The following VSIG10L variants were observed in gnomAD, a reference collection of about 807,000 sequenced individuals.
The protein encoded by VSIG10L is V-set and immunoglobulin domain-containing protein 10-like.
In VSIG10L, 63 loss-of-function variants were observed where a neutral mutation model predicts 67.3. The ratio of observed to expected loss-of-function variants is 0.94; its 90% CI spans 0.76 to 1.15. The LOEUF (loss-of-function observed/expected upper bound fraction) is 1.15. VSIG10L is among the 50% of genes most tolerant of loss of function. The pLI, the probability that VSIG10L is intolerant of heterozygous loss-of-function variation, is 0.00. For missense variants in VSIG10L, 1,050 were observed against 1,177.5 expected (o/e 0.89, Z 1.58); for synonymous variants, 499 against 524.9 (o/e 0.95, Z 0.67).
intron 4 of VSIG10L, 79 bp from the exon 5 acceptor site, chr19:51,339,221 C>T (rs1348926749): frequency 8.0e-7 from 1 of 1,256,442 alleles, no homozygotes; most frequent in African/African-American, 1.6e-5. Context: ...CGCGGTGACT[C>T]CACCCTTCTT....
In VSIG10L at chr19:51,337,335, G is replaced by A. The variant is rs1032463073; in HGVS notation, c.2208C>T (p.Pro736=). ...LGPQERSAVV[P]LPPRNPGTWT... is the part of the protein sequence containing the mutation. Reference sequence around the variant, plus strand: ...AGGTCCCTGGGTTCCGAGGTGGAAGGGGCACCACGGCTGACCGCTCCTGAG... The same window carrying A: ...AGGTCCCTGGGTTCCGAGGTGGAAGAGGCACCACGGCTGACCGCTCCTGAG... Residue 736 remains proline, a synonymous_variant, in exon 7 of 10, where the codon CCC becomes CCT. Coordinates refer to ENST00000335624, the MANE Select transcript of VSIG10L (RefSeq NM_001163922.3). 6 of 1,551,524 alleles carry A rather than the reference G, an allele frequency of 3.9e-6. No homozygotes were observed. The African/African-American group carries it at 5.5e-5, about 14-fold the overall frequency.
rs1446363558 is a variant in VSIG10L, at chr19:51,341,341, C to T, written c.707G>A (p.Gly236Glu). The T allele has an allele frequency of 6.5e-7, 1 of 1,541,334 alleles. No homozygotes were observed. Among genetic ancestry groups the T allele is most frequent in the African/African-American group, 1.4e-5 (1 of 73,022 alleles). Residue 236 changes from glycine to glutamate, a missense_variant, in exon 2 of 10, where the codon GGG becomes GAG. Coordinates refer to ENST00000335624, the MANE Select transcript of VSIG10L (RefSeq NM_001163922.3). ...CAGAGGTGCCCCTGGCCCCAGGCCCCCAGCTGCCAGCACCTTTGAGCCCCG... is the reference window on the plus strand; with the variant it reads ...CAGAGGTGCCCCTGGCCCCAGGCCCTCAGCTGCCAGCACCTTTGAGCCCCG... Reference protein sequence around the residue: ...WRRGSKVLAAGGLGPGAPLIS... With the variant: ...WRRGSKVLAAEGLGPGAPLIS...
rs951500263 is a variant in VSIG10L at position 51,332,592 on chromosome 19, A to T, written c.*19T>A. ...TGATCACACCTGTGTGGCTGCGCGAACAGTCTTTGAGCCTCCGCCTACAGA... is the reference window on the plus strand; with the variant it reads ...TGATCACACCTGTGTGGCTGCGCGATCAGTCTTTGAGCCTCCGCCTACAGA... On this transcript the variant is annotated 3_prime_UTR_variant, in exon 10 of 10. Coordinates refer to ENST00000335624, the MANE Select transcript of VSIG10L (RefSeq NM_001163922.3). The T allele has an allele frequency of 3.2e-6, 5 of 1,551,092 alleles. No individual in the cohort carries two copies. The highest frequency in any genetic ancestry group is 3.5e-6 in the Non-Finnish European group (4 of 1,146,870).
rs1985640455 is a variant in VSIG10L, at chr19:51,341,582, C to A, written c.466G>T (p.Val156Phe). The A allele has an allele frequency of 6.4e-7, 1 of 1,551,582 alleles. No homozygotes were observed. The highest frequency in any genetic ancestry group is 1.2e-5 in the South Asian group (1 of 84,058). The change falls in exon 2 of 10, where the codon GTT becomes TTT. Residue 156 changes from valine (V) to phenylalanine (F), a missense_variant. Physicochemically the swap from Val to Phe is conservative, Grantham distance 50 (BLOSUM62 -1). Coordinates refer to ENST00000335624, the MANE Select transcript of VSIG10L (RefSeq NM_001163922.3). The part of the protein sequence containing the change: ...STQVSHTKLS[V>F]EAPDSKFSPD... ...GAGAATTTTGAATCTGGGGCCTCAA[C>A]AGACAGTTTGGTATGGGAGACTTGA...
In VSIG10L at chr19:51,334,297, C is replaced by G. The variant is rs1985431167; in HGVS notation, c.2313G>C (p.Thr771=). The G allele has an allele frequency of 6.4e-7, 1 of 1,551,500 alleles. No homozygotes were observed. Among genetic ancestry groups the G allele is most frequent in the South Asian group, 1.2e-5 (1 of 84,046 alleles). ...SQSRVYRAGP[T]LSHGAIAGIV... ...TGCCAGCGATGGCCCCATGGCTCAA[C>G]GTGGGGCCTGGAAGAGACAAAGAGA... The change falls in exon 8 of 10, where the codon ACG becomes ACC. Residue 771 remains threonine, a synonymous_variant. Transcript: ENST00000335624.
In VSIG10L at chr19:51,340,797, C is replaced by T; in HGVS notation, c.896-71G>A. On this transcript the variant is annotated intron_variant, in intron 2 of 9. Transcript: ENST00000335624. The surrounding 1 kb of genome is among the most constrained non-coding windows in gnomAD (Gnocchi z 6.3). ...CATCTTTGGTCCCCTTAGAGGGAAC[C>T]CCAGCCGCTGCTCCCTCTAAGCCCC... The T allele has an allele frequency of 7.1e-7, 1 of 1,406,974 alleles. No individual in the cohort carries two copies. Among genetic ancestry groups the T allele is most frequent in the South Asian group, 1.5e-5 (1 of 65,210 alleles). The allele number at this position is 1,406,974 out of a possible 1,614,324, so 87.2% of individuals were successfully genotyped here. A position where few individuals can be genotyped will look rare whatever the true frequency, so the allele number is the denominator to read the frequency against.
intron 4 of VSIG10L, among the ~76,000 whole-genome samples, chr19:51,339,376 GAT>G (rs1985567837): frequency 6.6e-6 from 1 of 152,064 alleles, no homozygotes; most frequent in Admixed American, 6.5e-5. Flanking sequence ...TTCACACAAT[GAT>G]ATTTCTCTTC....
chr19:51,340,848 C>T lies in VSIG10L; in HGVS notation c.896-122G>A. On this transcript the variant is annotated intron_variant, in intron 2 of 9. Transcript: ENST00000335624. This position sits in a 1 kb window ranked among gnomAD's most constrained non-coding sequence, Gnocchi z 6.3. ...TGGAGTCTCAGCCCCCATCCCTCTC[C>T]TCTCATAAACCTATGAGTTTGAGCC... 8.0e-7 allele frequency: 1 copy of T among 1,249,768 alleles called. No homozygotes were observed. The highest frequency in any genetic ancestry group is 1.8e-5 in the South Asian group (1 of 56,148). 77.4% of individuals were successfully genotyped at this position (1,249,768 alleles called of 1,614,324 possible). A position where few individuals can be genotyped will look rare whatever the true frequency, so the allele number is the denominator to read the frequency against.
chr19:51,341,165 C>G lies in VSIG10L; in HGVS notation c.883G>C (p.Val295Leu). 1 of 1,524,316 alleles carries G rather than the reference C, an allele frequency of 6.6e-7. No individual in the cohort carries two copies. The highest frequency in any genetic ancestry group is 1.2e-5 in the South Asian group (1 of 81,632). 94.4% of individuals were successfully genotyped at this position (1,524,316 alleles called of 1,614,324 possible). Residue 295 changes from valine (V) to leucine (L), a missense_variant, in exon 2 of 10, where the codon GTG (valine) becomes CTG (leucine). Val to Leu is a conservative substitution (Grantham distance 32, BLOSUM62 1). Around this residue, in one of 3 missense-constraint regions of VSIG10L, gnomAD observed 511 missense variants for 557.9 expected, o/e 0.92. Transcript: ENST00000335624. ...AGGGCCCACTTACCATACACACCCA[C>G]CGTGAACTCGTGAGTCTGCTGGGAG... ...GVSQQTHEFT[V>L]GVYEPLPQLS...
chr19:51,341,484 A>G lies in VSIG10L; in HGVS notation c.564T>C (p.Ala188=), dbSNP rs755030044. Residue 188 remains alanine (A), a synonymous_variant, in exon 2 of 10, where the codon GCT becomes GCC. Coordinates refer to ENST00000335624, the MANE Select transcript of VSIG10L (RefSeq NM_001163922.3). ...ESKFSAETHS[A]ASFPQQVGGP... ...CCCCCACCTGCTGGGGAAAGCTTGC[A>G]GCTGAGTGGGTCTCTGCAGAAAATT... is the stretch of plus-strand genomic sequence containing the variant. The G allele has an allele frequency of 1.1e-4, 163 of 1,549,016 alleles. No homozygotes were observed. In the Admixed American group the frequency reaches 1.6e-3, roughly 15 times the overall value.
At chr19:51,337,812 C>T (rs1035640457) in intron 6 of VSIG10L, 118 bp downstream of exon 6, 112 of 1,308,368 alleles carry the variant, frequency 8.6e-5, no homozygotes, top group Middle Eastern at 4.1e-4. Context: ...GGAGGAGAGG[C>T]TGGGGGCCTG....
In VSIG10L at chr19:51,340,117, G is replaced by A; in HGVS notation, c.1372C>T (p.Leu458=). ...GCGTGGCCCGGTCCGACCGCGGGCAGCAGGAGGCGCGACCCCGCGGGCACC... is the reference window on the plus strand; with the variant it reads ...GCGTGGCCCGGTCCGACCGCGGGCAACAGGAGGCGCGACCCCGCGGGCACC... The part of the protein sequence containing the change: ...AAVPAGSRLL[L]PAVGPGHAGT... The change falls in exon 4 of 10, where the codon CTG becomes TTG. Residue 458 remains leucine, a synonymous_variant. Transcript: ENST00000335624. The surrounding 1 kb of genome is among the most constrained non-coding windows in gnomAD (Gnocchi z 6.3). 7.6e-7 allele frequency: 1 copy of A among 1,310,430 alleles called. No homozygotes were observed. The highest frequency in any genetic ancestry group is 9.7e-7 in the Non-Finnish European group (1 of 1,034,746). 81.2% of individuals were successfully genotyped at this position (1,310,430 alleles called of 1,614,324 possible). A position where few individuals can be genotyped will look rare whatever the true frequency, so the allele number is the denominator to read the frequency against.
intron 4 of VSIG10L, chr19:51,339,789 C>G (rs893370886): frequency 6.4e-6 from 3 of 471,842 alleles, no homozygotes; most frequent in African/African-American, 4.1e-5. Context: ...CCCTTATCCT[C>G]TTTCTGGCCC....
chr19:51,340,770 C>A lies in VSIG10L; in HGVS notation c.896-44G>T, dbSNP rs1985617796. ...GCTCAGGACCCACCCAGTCCTGGAG[C>A]CCATCTTTGGTCCCCTTAGAGGGAA... is the stretch of plus-strand genomic sequence containing the variant. On this transcript the variant is annotated intron_variant, in intron 2 of 9. Transcript: ENST00000335624. The surrounding 1 kb of genome is among the most constrained non-coding windows in gnomAD (Gnocchi z 6.3). The A allele has an allele frequency of 7.0e-7, 1 of 1,435,212 alleles. No individual in the cohort carries two copies. 88.9% of individuals were successfully genotyped at this position (1,435,212 alleles called of 1,614,324 possible).
At position 51,338,094 on chromosome 19, in the gene VSIG10L, C is replaced by G. The variant is rs200590126; in HGVS notation, c.1844G>C (p.Arg615Pro). ...CPPPSRASWA[R>P]EGRPLAPGGG... ...TCCTGGAGCCAGGGGCCTCCCTTCC[C>G]GGGCCCAGGATGCCCGTGAGGGTGG... is the stretch of plus-strand genomic sequence containing the variant. Residue 615 changes from arginine (R) to proline (P), a missense_variant, in exon 6 of 10, where the codon CGG becomes CCG. Arg to Pro is a moderately radical substitution (Grantham distance 103). Around this residue, in one of 3 missense-constraint regions of VSIG10L, gnomAD observed 529 missense variants for 584.9 expected, o/e 0.90. Transcript: ENST00000335624. 9,372 of 1,551,240 alleles carry G rather than the reference C, an allele frequency of 6.0e-3. 51 individuals carry two copies. Among genetic ancestry groups the G allele is most frequent in the Middle Eastern group, 0.012 (70 of 5,990 alleles).
Position 51,338,011 on chromosome 19 carries a change from TG to T in VSIG10L, c.1926del (p.Phe642LeufsTer46). On this transcript the variant is annotated frameshift_variant, in exon 6 of 10. Transcript: ENST00000335624. LOFTEE classifies it high-confidence loss of function. ...QDGRKLHIGN[F>X]SLDWDLGNYS... ...TAATTTCCCAGGTCCCAATCCAGGC[TG>T]AAGTTGCCGATGTGGAGTTTCCGCC... The T allele has an allele frequency of 6.4e-7, 1 of 1,551,702 alleles. No homozygotes were observed. The highest frequency in any genetic ancestry group is 1.2e-5 in the South Asian group (1 of 84,062).
At chr19:51,335,577 G>A (rs934314946) in intron 7 of VSIG10L, among the ~76,000 whole-genome samples, 3 of 152,146 alleles carry the variant, frequency 2.0e-5, no homozygotes, top group Non-Finnish European at 4.4e-5. Flanking sequence ...GGAAAACATC[G>A]AAAGATCTGT....
intron 7 of VSIG10L, 50 bp downstream of exon 7, chr19:51,337,188 C>T (rs747725481): frequency 4.9e-5 from 73 of 1,498,650 alleles, no homozygotes; most frequent in Non-Finnish European, 5.9e-5. Flanking sequence ...CAGGGAGACA[C>T]GGAGGATCTG....
In VSIG10L at chr19:51,340,681, T is replaced by C; in HGVS notation, c.941A>G (p.Glu314Gly). 6.5e-7 allele frequency: 1 copy of C among 1,527,026 alleles called. No individual in the cohort carries two copies. Among genetic ancestry groups the C allele is most frequent in the Non-Finnish European group, 8.8e-7 (1 of 1,142,196 alleles). 94.6% of individuals were successfully genotyped at this position (1,527,026 alleles called of 1,614,324 possible). Residue 314 changes from glutamate to glycine, a missense_variant, in exon 3 of 10, where the codon GAG becomes GGG. This residue lies in a region of VSIG10L where 511 missense variants were observed against 557.9 expected (regional missense o/e 0.92). Coordinates refer to ENST00000335624, the MANE Select transcript of VSIG10L (RefSeq NM_001163922.3). The surrounding 1 kb of genome is among the most constrained non-coding windows in gnomAD (Gnocchi z 6.3). The part of the protein sequence containing the change: ...LSVQPKAPET[E>G]EGAAELRLRC... The stretch of plus-strand genomic sequence containing the variant: ...CAGCCGGAGCTCGGCCGCCCCCTCC[T>C]CTGTCTCTGGAGCCTTGGGCTGAAC...
Sources: gnomAD v4.1 joint callset for allele counts (sites outside exome capture counted in the v4.1 genomes callset) on GRCh38, gnomAD v4.1.1 for gene constraint, gnomAD v4.1.1 regional missense constraint, Gnocchi (gnomAD v3.1) non-coding constraint, MANE v1.5 for transcripts, NCBI Gene and HGNC (gene_info 2026-07-23, HGNC 2026-07-21) for gene names.